EFL1: variants seen among roughly 807,000 people sequenced by gnomAD.
EFL1 encodes elongation factor like GTPase 1.
In EFL1, 76 loss-of-function variants were observed where a neutral mutation model predicts 126.7. The ratio of observed to expected loss-of-function variants is 0.60; its 90% confidence interval spans 0.50 to 0.73. The LOEUF is 0.73. Among genes scored for constraint, EFL1 ranks in the 30% least tolerant of loss-of-function variants. The pLI, the probability that EFL1 is intolerant of heterozygous loss-of-function variation, is 0.00. For synonymous variants in EFL1, 410 were observed against 448.4 expected, an observed-to-expected ratio of 0.91 and a Z score of 1.08; for missense variants, 1,128 against 1,343.2, an observed-to-expected ratio of 0.84 and a Z score of 2.50.
chr15:82,163,291 T>A (rs1369077535), intron 16 of EFL1, among the ~76,000 whole-genome samples: 1 of 152,164 alleles, frequency 6.6e-6, no homozygotes, highest in South Asian at 2.1e-4. Flanking sequence ...CCTGTAATCC[T>A]AGCAGTTTGG....
chr15:82,182,548 G>A (rs1298659825), intron 15 of EFL1, among the ~76,000 whole-genome samples: 2 of 152,190 alleles, frequency 1.3e-5, no homozygotes, highest in African/African-American at 4.8e-5. Flanking sequence ...TACAGGCTGG[G>A]CGCGGTGGCT....
chr15:82,241,224 T>C, intron 5 of EFL1, 46 bp downstream of exon 5: 1 of 1,607,804 alleles, frequency 6.2e-7, no homozygotes, highest in Non-Finnish European at 8.5e-7. Flanking sequence ...TCCCCCTCTT[T>C]CCTCACCCTT....
At chr15:82,232,732 CTTTAAG>C (rs1260001802) in intron 7 of EFL1, among the ~76,000 whole-genome samples, 13 of 152,090 alleles carry the variant, frequency 8.5e-5, no homozygotes, top group East Asian at 1.9e-4. Flanking sequence ...GTCCATTATG[CTTTAAG>C]TTTATCTCTT....
intron 15 of EFL1, among the ~76,000 whole-genome samples, chr15:82,197,875 G>C (rs2074424411): frequency 6.6e-6 from 1 of 152,096 alleles, no homozygotes; most frequent in Middle Eastern, 3.4e-3. Flanking sequence ...CTGCCTGCCT[G>C]CCTACCTGCT....
At position 82,179,031 on chromosome 15, in the gene EFL1, C is replaced by G. The variant is rs2074222320; in HGVS notation, c.1751-15047G>C. On this transcript the variant is annotated intron_variant, in intron 15 of 19. Coordinates refer to ENST00000268206, the MANE Select transcript of EFL1 (RefSeq NM_024580.6). ...TGGTGGCACACGCCTGTAGTCCCAG[C>G]TACTTAGGAGACTGAGGCAGGAGGA... is the stretch of plus-strand genomic sequence containing the variant. 1.3e-5 allele frequency among the ~76,000 whole-genome samples: 2 copies of G among 152,122 alleles called. 1 individual carries two copies. Among genetic ancestry groups the G allele is most frequent in the Non-Finnish European group, 2.9e-5 (2 of 68,016 alleles).
chr15:82,209,332 C>CAA (rs2074560220), intron 15 of EFL1, among the ~76,000 whole-genome samples: 1 of 151,404 alleles, frequency 6.6e-6, no homozygotes, highest in Non-Finnish European at 1.5e-5. Context: ...CACACACACA[C>CAA]ACACACACAC....
At chr15:82,143,213 C>T (rs990106841) in intron 18 of EFL1, among the ~76,000 whole-genome samples, 1 of 152,156 alleles carries the variant, frequency 6.6e-6, no homozygotes, top group African/African-American at 2.4e-5. Context: ...GATAAGATTA[C>T]ACGCAGAGGT....
chr15:82,178,435 C>T (rs1184219634), intron 15 of EFL1, among the ~76,000 whole-genome samples: 1 of 152,216 alleles, frequency 6.6e-6, no homozygotes, highest in Non-Finnish European at 1.5e-5. Flanking sequence ...GGTGCCCAAA[C>T]TCTGCAGTAG....
chr15:82,257,190 CAAGTT>C, intron 3 of EFL1, among the ~76,000 whole-genome samples: 1 of 152,220 alleles, frequency 6.6e-6, no homozygotes. Flanking sequence ...TCCATTTTAG[CAAGTT>C]ATGTTTTCCA....
chr15:82,216,052 A>G (rs2074642619), intron 14 of EFL1, among the ~76,000 whole-genome samples: 1 of 152,194 alleles, frequency 6.6e-6, no homozygotes, highest in Non-Finnish European at 1.5e-5. Flanking sequence ...TGCAAGATCA[A>G]TATACAAAAG....
chr15:82,230,095 T>C (rs1016234966), intron 8 of EFL1, among the ~76,000 whole-genome samples: 67 of 152,270 alleles, frequency 4.4e-4, no homozygotes, highest in African/African-American at 1.2e-3. Context: ...GTTCATGATA[T>C]GACAAAAGCA....
At chr15:82,209,408 A>T (rs971915423) in intron 15 of EFL1, among the ~76,000 whole-genome samples, 1 of 151,986 alleles carries the variant, frequency 6.6e-6, no homozygotes, top group African/African-American at 2.4e-5. Flanking sequence ...CAGACCTAAA[A>T]CCAGTTCAGA....
At chr15:82,257,983 C>T (rs1372859183) in intron 3 of EFL1, among the ~76,000 whole-genome samples, 1 of 152,058 alleles carries the variant, frequency 6.6e-6, no homozygotes, top group Non-Finnish European at 1.5e-5. Context: ...ACCTAGTTTT[C>T]TTCAGCCTCC....
chr15:82,220,565 A>G (rs2141303620), intron 12 of EFL1, among the ~76,000 whole-genome samples: 2 of 152,230 alleles, frequency 1.3e-5, no homozygotes, highest in Middle Eastern at 6.8e-3. Context: ...GACAGATACT[A>G]GGGTTTGGAA....
intron 15 of EFL1, among the ~76,000 whole-genome samples, chr15:82,208,864 A>G (rs1236926152): frequency 6.6e-6 from 1 of 152,178 alleles, no homozygotes; most frequent in Non-Finnish European, 1.5e-5. Context: ...ACCTGAAACT[A>G]AAACACCAGA....
intron 1 of EFL1, chr15:82,262,286 A>T (rs1488202002): frequency 6.4e-6 from 1 of 155,272 alleles, no homozygotes; most frequent in Non-Finnish European, 1.4e-5. Context: ...ATGGAGCCCG[A>T]ACAAAGTTTT....
intron 17 of EFL1, among the ~76,000 whole-genome samples, chr15:82,156,050 T>G (rs2073963676): frequency 6.6e-6 from 1 of 152,230 alleles, no homozygotes; most frequent in Admixed American, 6.5e-5. Flanking sequence ...TAGTGTCTTT[T>G]GATGATCAAG....
intron 15 of EFL1, among the ~76,000 whole-genome samples, chr15:82,170,232 A>G (rs962658102): frequency 3.4e-5 from 5 of 145,472 alleles, no homozygotes; most frequent in African/African-American, 1.3e-4. Context: ...CTCCTGCCTC[A>G]GCCTCCCAAG....
At chr15:82,189,432 AC>A (rs1324703231) in intron 15 of EFL1, among the ~76,000 whole-genome samples, 2 of 152,224 alleles carry the variant, frequency 1.3e-5, no homozygotes, top group Admixed American at 1.3e-4. Context: ...TTCATGAATC[AC>A]ATGTTTTTTC....
Sources: gnomAD v4.1 joint callset for allele counts (sites outside exome capture counted in the v4.1 genomes callset) on GRCh38, gnomAD v4.1.1 for gene constraint, MANE v1.5 for transcripts, NCBI Gene and HGNC (gene_info 2026-07-23, HGNC 2026-07-21) for gene names.